DCC: variants seen among roughly 807,000 people sequenced by gnomAD.
DCC encodes the protein DCC netrin 1 receptor, also known as netrin receptor DCC.
A neutral mutation model predicts 172.5 loss-of-function variants in DCC; 58 were observed. The ratio of observed to expected loss-of-function variants is 0.34; its 90% CI spans 0.27 to 0.42. DCC has a LOEUF of 0.42. DCC is among the 10% of genes least tolerant of loss of function. DCC has a pLI of 1.00. For missense variants in DCC, 1,740 were observed against 1,791.0 expected (o/e 0.97, Z 0.51); for synonymous variants, 709 against 644.5 (o/e 1.10, Z -1.52).
At chr18:52,517,531 C>T (rs1034146327) in intron 1 of DCC, among the ~76,000 whole-genome samples, 1 of 152,200 alleles carries the variant, frequency 6.6e-6, no homozygotes, top group African/African-American at 2.4e-5. Flanking sequence ...CATATCTAAA[C>T]ATCCAAGTTG....
chr18:52,977,052 G>T (rs977017728), intron 5 of DCC, among the ~76,000 whole-genome samples: 3 of 152,104 alleles, frequency 2.0e-5, no homozygotes, highest in African/African-American at 7.2e-5. Flanking sequence ...CTCCCTCAAG[G>T]TGCTCAAAAT....
chr18:52,881,424 A>G (rs2039484502), intron 2 of DCC, among the ~76,000 whole-genome samples: 1 of 152,118 alleles, frequency 6.6e-6, no homozygotes, highest in South Asian at 2.1e-4. Context: ...AAATTTTTGC[A>G]CAGACCAAGG....
At chr18:52,911,158 G>A (rs1244388445) in intron 3 of DCC, among the ~76,000 whole-genome samples, 2 of 151,974 alleles carry the variant, frequency 1.3e-5, no homozygotes, top group Admixed American at 6.6e-5. Flanking sequence ...ATGGAATAAT[G>A]ATCTGTGTAA....
At chr18:53,175,681 T>C (rs2055081248) in intron 8 of DCC, among the ~76,000 whole-genome samples, 1 of 152,074 alleles carries the variant, frequency 6.6e-6, no homozygotes, top group Non-Finnish European at 1.5e-5. Flanking sequence ...TCAAAGAGGA[T>C]ACAAACAAAT....
intron 1 of DCC, among the ~76,000 whole-genome samples, chr18:52,417,619 A>T (rs905130456): frequency 2.6e-4 from 39 of 152,030 alleles, no homozygotes; most frequent in Middle Eastern, 3.4e-3. Context: ...TATTTCATTC[A>T]TTTCATCTTC....
intron 5 of DCC, among the ~76,000 whole-genome samples, chr18:53,039,942 C>A (rs555750394): frequency 1.4e-4 from 21 of 152,002 alleles, no homozygotes; most frequent in Non-Finnish European, 2.8e-4. Context: ...GCTGCAGTGC[C>A]CAACACAATG....
chr18:52,991,598 C>T (rs2041393191), intron 5 of DCC, among the ~76,000 whole-genome samples: 1 of 152,184 alleles, frequency 6.6e-6, no homozygotes, highest in South Asian at 2.1e-4. Context: ...CACCCATTCC[C>T]TCTTTGTGAA....
At chr18:53,101,649 A>G (rs909349987) in intron 7 of DCC, among the ~76,000 whole-genome samples, 5 of 152,072 alleles carry the variant, frequency 3.3e-5, no homozygotes, top group African/African-American at 1.2e-4. Context: ...TTTCACTGAC[A>G]TGTTTGTTGT....
chr18:53,214,436 A>G (rs2055813553), intron 11 of DCC, among the ~76,000 whole-genome samples: 1 of 152,194 alleles, frequency 6.6e-6, no homozygotes, highest in South Asian at 2.1e-4. Context: ...CTTCATGATA[A>G]TTACTATTTA....
At chr18:53,148,810 G>T (rs1272797040) in intron 7 of DCC, among the ~76,000 whole-genome samples, 2 of 150,092 alleles carry the variant, frequency 1.3e-5, no homozygotes, top group Non-Finnish European at 2.9e-5. Flanking sequence ...AAGCATGCTT[G>T]TCCTCAACTT....
chr18:52,656,962 T>C (rs1370192047), intron 1 of DCC, among the ~76,000 whole-genome samples: 1 of 152,152 alleles, frequency 6.6e-6, no homozygotes, highest in African/African-American at 2.4e-5. Context: ...TGTGACTCTT[T>C]TCTGGGGAGC....
chr18:52,628,195 T>G (rs1188276749), intron 1 of DCC, among the ~76,000 whole-genome samples: 1 of 151,898 alleles, frequency 6.6e-6, no homozygotes, highest in Non-Finnish European at 1.5e-5. Flanking sequence ...CTTGAAAGAC[T>G]TTTTTTTCAT....
intron 7 of DCC, among the ~76,000 whole-genome samples, chr18:53,136,139 G>A (rs2043737265): frequency 6.6e-6 from 1 of 151,762 alleles, no homozygotes; most frequent in South Asian, 2.1e-4. Flanking sequence ...AATTGGATGT[G>A]TGTGTGTATG....
intron 10 of DCC, among the ~76,000 whole-genome samples, chr18:53,206,913 AGCCC>A (rs1168569714): frequency 9.2e-5 from 14 of 152,148 alleles, no homozygotes; most frequent in African/African-American, 3.4e-4. Flanking sequence ...AAATAGCTCA[AGCCC>A]AGTCCCAAAT....
chr18:53,346,244 C>A (rs2057723264), intron 15 of DCC, among the ~76,000 whole-genome samples: 1 of 152,002 alleles, frequency 6.6e-6, no homozygotes, highest in Admixed American at 6.6e-5. Flanking sequence ...TGATTTCCAG[C>A]AGCTAGATTA....
At chr18:53,395,114 C>T (rs776981694) in intron 17 of DCC, among the ~76,000 whole-genome samples, 19 of 149,658 alleles carry the variant, frequency 1.3e-4, no homozygotes, top group Admixed American at 2.7e-4. Flanking sequence ...CGTGCCATTG[C>T]ACTCCAGCCT....
At chr18:53,254,206 A>AG (rs1378053081) in intron 12 of DCC, among the ~76,000 whole-genome samples, 2 of 152,066 alleles carry the variant, frequency 1.3e-5, no homozygotes. Context: ...TCTGAGCAAC[A>AG]GGGCTCCAAG....
chr18:53,523,859 A>G (rs1473525559), intron 27 of DCC, among the ~76,000 whole-genome samples: 5 of 152,134 alleles, frequency 3.3e-5, no homozygotes, highest in Non-Finnish European at 7.4e-5. Flanking sequence ...CTATGTAACA[A>G]ACCTGTACAT....
chr18:53,113,045 T>G (rs1018741051), intron 7 of DCC, among the ~76,000 whole-genome samples: 5 of 151,432 alleles, frequency 3.3e-5, no homozygotes, highest in Non-Finnish European at 5.9e-5. Context: ...TTGTGAGAGA[T>G]TTTCTTTTAA....
Sources: gnomAD v4.1 joint callset for allele counts (sites outside exome capture counted in the v4.1 genomes callset) on GRCh38, gnomAD v4.1.1 for gene constraint, MANE v1.5 for transcripts, NCBI Gene and HGNC (gene_info 2026-07-23, HGNC 2026-07-21) for gene names.